The following ZSCAN29 variants were observed in gnomAD, a reference collection of about 807,000 sequenced individuals.
ZSCAN29 encodes the protein zinc finger and SCAN domain containing 29.
Under a neutral mutation model 71.9 loss-of-function variants are expected in ZSCAN29, and 55 were observed. That is an observed-to-expected ratio of 0.76 (90% CI 0.62 to 0.96). The LOEUF is 0.96. Ranked by LOEUF, ZSCAN29 falls within the 40% of genes least tolerant of loss-of-function variation. The pLI is 0.00. For synonymous variants in ZSCAN29, 351 were observed against 371.6 expected, an observed-to-expected ratio of 0.94 and a Z score of 0.64; for missense variants, 1,042 against 1,042.2, an observed-to-expected ratio of 1.00 and a Z score of 0.00.
At chr15:43,363,311 A>G (rs976369937) in intron 5 of ZSCAN29, among the ~76,000 whole-genome samples, 2 of 152,142 alleles carry the variant, frequency 1.3e-5, no homozygotes, top group Admixed American at 6.5e-5. Flanking sequence ...CTTAACTAAT[A>G]AACAACAGAG....
At position 43,366,050 on chromosome 15, in the gene ZSCAN29, C is replaced by T. The variant is rs955678176; in HGVS notation, c.1222+60G>A. 2.0e-5 allele frequency: 30 copies of T among 1,515,250 alleles called. No homozygotes were observed. In the Middle Eastern group the frequency reaches 1.7e-3, roughly 85 times the overall value. The allele number at this position is 1,515,250 out of a possible 1,614,324, so 93.9% of individuals were successfully genotyped here. On this transcript the variant is annotated intron_variant, in intron 4 of 5. Coordinates refer to ENST00000684362, the MANE Select transcript of ZSCAN29 (RefSeq NM_001372080.1). ...TGTGACATTAAGCCTTCTGACTCCA[C>T]ATCCAGTCTCTTTGTTCCCCAAGTC...
intron 4 of ZSCAN29, among the ~76,000 whole-genome samples, chr15:43,364,751 G>A (rs914514731): frequency 9.9e-5 from 15 of 151,892 alleles, no homozygotes; most frequent in Non-Finnish European, 1.9e-4. Flanking sequence ...AGCCAGGCGT[G>A]GTGGTGTGCA....
At position 43,369,583 on chromosome 15, in the gene ZSCAN29, C is replaced by A. The variant is rs778968043; in HGVS notation, c.318+13G>T. On this transcript the variant is annotated intron_variant, in intron 2 of 5. Transcript: ENST00000684362. ...ATCACACTTTTGAATTTGAATTCCC[C>A]CTCCCTTCTCACCGAAGATCTAGGT... is the stretch of plus-strand genomic sequence containing the variant. 6.2e-7 allele frequency: 1 copy of A among 1,605,830 alleles called. No homozygotes were observed. Among genetic ancestry groups the A allele is most frequent in the East Asian group, 2.2e-5 (1 of 44,768 alleles).
At position 43,369,017 on chromosome 15, in the gene ZSCAN29, C is replaced by T. The variant is rs28493274; in HGVS notation, c.429G>A (p.Arg143=). ...VRQESVEPQP[R]GVPKKERARS... is the part of the protein sequence containing the mutation. ...TTGCCCTCTCTTTCTTGGGTACACC[C>T]CTGGGCTGGGGTTCCACTGACTCCT... The change falls in exon 3 of 6, where the codon AGG becomes AGA. Residue 143 remains arginine, a synonymous_variant. Coordinates refer to ENST00000684362, the MANE Select transcript of ZSCAN29 (RefSeq NM_001372080.1). 24 of 1,612,832 alleles carry T rather than the reference C, an allele frequency of 1.5e-5. No homozygotes were observed. The highest frequency in any genetic ancestry group is 4.0e-5 in the African/African-American group (3 of 74,868).
Position 43,364,338 on chromosome 15 carries a change from G to A in ZSCAN29, c.1267C>T (p.Leu423Phe). 1 of 1,614,108 alleles carries A rather than the reference G, an allele frequency of 6.2e-7. No homozygotes were observed. Among genetic ancestry groups the A allele is most frequent in the Non-Finnish European group, 8.5e-7 (1 of 1,180,034 alleles). The change falls in exon 5 of 6, where the codon CTT becomes TTT. Residue 423 changes from leucine to phenylalanine, a missense_variant. Transcript: ENST00000684362. ...YEETKTYLAILSETQFYEALR... is the reference protein window; with the variant it reads ...YEETKTYLAIFSETQFYEALR... ...GCTTCATAAAACTGGGTCTCACTAA[G>A]AATTGCAAGGTAAGTCTTGGTCTCT...
chr15:43,363,879 T>C (rs2044007342), intron 5 of ZSCAN29, 36 bp downstream of exon 5: 1 of 1,530,356 alleles, frequency 6.5e-7, no homozygotes, highest in Non-Finnish European at 8.8e-7. Flanking sequence ...TTGTCTTCCC[T>C]TTGTTATTTA....
At position 43,369,107 on chromosome 15, in the gene ZSCAN29, C is replaced by A; in HGVS notation, c.339G>T (p.Gly113=). 6.3e-7 allele frequency: 1 copy of A among 1,583,592 alleles called. No homozygotes were observed. Among genetic ancestry groups the A allele is most frequent in the Non-Finnish European group, 8.6e-7 (1 of 1,161,222 alleles). ...TCATCTTCTCCAAGCGCACTTCCTG[C>A]CCCTTCACAGAGACTGTGACCTAGA... ...PRSSVTVSVK[G]QEVRLEKMTP... The change falls in exon 3 of 6, where the codon GGG becomes GGT. Residue 113 remains glycine (G), a synonymous_variant. Transcript: ENST00000684362.
rs750860549 is a variant in ZSCAN29, at chr15:43,366,155, G to C, written c.1177C>G (p.Gln393Glu). 1.2e-6 allele frequency: 2 copies of C among 1,613,736 alleles called. No homozygotes were observed. The highest frequency in any genetic ancestry group is 2.2e-5 in the South Asian group (2 of 91,054). Residue 393 changes from glutamine to glutamate, a missense_variant, in exon 4 of 6, where the codon CAG (glutamine) becomes GAG (glutamate). Physicochemically the swap from Gln to Glu is conservative, Grantham distance 29. Coordinates refer to ENST00000684362, the MANE Select transcript of ZSCAN29 (RefSeq NM_001372080.1). ...ACAGGTGCAGCTGAGTTGGGGTCCT[G>C]GGGGGTCGCCTCTAGATCCATGTCA... ...SDDMDLEATP[Q>E]DPNSAAPVVF...
Position 43,361,130 on chromosome 15 carries a change from A to C in ZSCAN29, c.2502T>G (p.Asn834Lys). Residue 834 changes from asparagine to lysine, a missense_variant, in exon 6 of 6, where the codon AAT (asparagine) becomes AAG (lysine). By Grantham distance (94) the Asn-to-Lys change is moderately conservative (BLOSUM62 0). Transcript: ENST00000684362. ...GKCFSKSSAL[N>K]KHGEIHAREK... ...CCCGTGCATGGATTTCTCCGTGCTTATTAAGGGCAGAGCTTTTACTGAAGC... is the reference window on the plus strand; with the variant it reads ...CCCGTGCATGGATTTCTCCGTGCTTCTTAAGGGCAGAGCTTTTACTGAAGC... 1.9e-6 allele frequency: 3 copies of C among 1,612,958 alleles called. No individual in the cohort carries two copies. The highest frequency in any genetic ancestry group is 1.1e-5 in the South Asian group (1 of 91,062).
At chr15:43,370,334 C>T (rs2044090263) in intron 1 of ZSCAN29, 1 of 160,856 alleles carries the variant, frequency 6.2e-6, no homozygotes, top group South Asian at 1.8e-4. Flanking sequence ...GATCTAAAGA[C>T]AAGTCACCAT....
In ZSCAN29 at chr15:43,369,693, A is replaced by C; in HGVS notation, c.221T>G (p.Ile74Ser). The change falls in exon 2 of 6, where the codon ATC becomes AGC. Residue 74 changes from isoleucine (I) to serine (S), a missense_variant. By Grantham distance (142) the Ile-to-Ser change is moderately radical. Coordinates refer to ENST00000684362, the MANE Select transcript of ZSCAN29 (RefSeq NM_001372080.1). Reference sequence around the variant, plus strand: ...ACATTGTTCCTGTACCCAATTCTGGATCTCCCCAGGTAAGACGGTCAGGAA... The same window carrying C: ...ACATTGTTCCTGTACCCAATTCTGGCTCTCCCCAGGTAAGACGGTCAGGAA... Reference protein sequence around the residue: ...EQFLTVLPGEIQNWVQEQCPE... With the variant: ...EQFLTVLPGESQNWVQEQCPE... 1.2e-6 allele frequency: 2 copies of C among 1,614,136 alleles called. No individual in the cohort carries two copies. The highest frequency in any genetic ancestry group is 2.2e-5 in the South Asian group (2 of 91,074).
At chr15:43,369,210 G>C in intron 2 of ZSCAN29, 83 bp from the exon 3 acceptor site, 3 of 1,378,370 alleles carry the variant, frequency 2.2e-6, no homozygotes, top group Non-Finnish European at 2.9e-6. Context: ...CCCCAAAAGA[G>C]ATCATCTTTC....
chr15:43,363,813 T>A (rs1322282949), intron 5 of ZSCAN29, 102 bp downstream of exon 5: 5 of 1,153,054 alleles, frequency 4.3e-6, no homozygotes, highest in Non-Finnish European at 6.0e-6. Context: ...GAAGAATCCA[T>A]GAAAGCTGGG....
At chr15:43,365,344 TGATACTTTAAAAAGGATTCCA>T (rs2044025282) in intron 4 of ZSCAN29, among the ~76,000 whole-genome samples, 1 of 152,224 alleles carries the variant, frequency 6.6e-6, no homozygotes, top group South Asian at 2.1e-4. Flanking sequence ...TGGTAGTAAA[TGATACTTTAAAAAGGATTCCA>T]TAGGCAAGAA....
Position 43,364,221 on chromosome 15 carries a change from G to A in ZSCAN29, c.1384C>T (p.Arg462Trp), listed in dbSNP as rs142610145. The A allele has an allele frequency of 1.5e-4, 241 of 1,614,048 alleles. No individual in the cohort carries two copies. Among genetic ancestry groups the A allele is most frequent in the Non-Finnish European group, 1.9e-4 (226 of 1,180,042 alleles). ...GTTTGCAGGCTTTTAAACTTGGTCC[G>A]ACACTGTTCTGGGGTCCTAAGAAAG... ...YGFLRTPEQC[R>W]TKFKSLQTSY... is the part of the protein sequence containing the mutation. Residue 462 changes from arginine (R) to tryptophan (W), a missense_variant, in exon 5 of 6, where the codon CGG (arginine) becomes TGG (tryptophan). By Grantham distance (101) the Arg-to-Trp change is moderately radical. Coordinates refer to ENST00000684362, the MANE Select transcript of ZSCAN29 (RefSeq NM_001372080.1).
At position 43,364,080 on chromosome 15, in the gene ZSCAN29, T is replaced by A; in HGVS notation, c.1525A>T (p.Thr509Ser). The A allele has an allele frequency of 2.5e-6, 4 of 1,614,096 alleles. No individual in the cohort carries two copies. Among genetic ancestry groups the A allele is most frequent in the Non-Finnish European group, 3.4e-6 (4 of 1,180,022 alleles). ...GTCCCCTGGACGGGGCAAGAAGCAG[T>A]CTCTTCCTGGCCATCATTGGGTGGG... The part of the protein sequence containing the change: ...AAPPNDGQEE[T>S]ASCPVQGTSE... The change falls in exon 5 of 6, where the codon ACT becomes TCT. Residue 509 changes from threonine (T) to serine (S), a missense_variant. Transcript: ENST00000684362.
At chr15:43,364,596 A>G in intron 4 of ZSCAN29, 1 of 641,394 alleles carries the variant, frequency 1.6e-6, no homozygotes, top group Non-Finnish European at 2.8e-6. Context: ...TTTATTTACA[A>G]ATTCTGTTTA....
Position 43,366,554 on chromosome 15 carries a change from G to A in ZSCAN29, c.778C>T (p.Leu260Phe), listed in dbSNP as rs373614639. The change falls in exon 4 of 6, where the codon CTC (leucine) becomes TTC (phenylalanine). Residue 260 changes from leucine (L) to phenylalanine (F), a missense_variant. Leu to Phe is a conservative substitution (Grantham distance 22, BLOSUM62 0). Transcript: ENST00000684362. ...GCCTCATAAAACTCAGTCTGGCTGA[G>A]AATTGCGAGGAGCGTTCTGGTCTCT... ...YEETRTLLAI[L>F]SQTEFYEALR... 9.3e-6 allele frequency: 15 copies of A among 1,614,242 alleles called. No individual in the cohort carries two copies. The highest frequency in any genetic ancestry group is 1.3e-5 in the Non-Finnish European group (15 of 1,180,050).
At chr15:43,370,368 C>T (rs1207269690) in intron 1 of ZSCAN29, 190 bp downstream of exon 1, 1 of 155,992 alleles carries the variant, frequency 6.4e-6, no homozygotes, top group African/African-American at 2.4e-5. Flanking sequence ...AACAAAAAGC[C>T]TCTGTCCAGC....
Sources: gnomAD v4.1 joint callset for allele counts (sites outside exome capture counted in the v4.1 genomes callset) on GRCh38, gnomAD v4.1.1 for gene constraint, MANE v1.5 for transcripts, NCBI Gene and HGNC (gene_info 2026-07-23, HGNC 2026-07-21) for gene names.